Variants in SPRED2 observed in about 807,000 individuals in gnomAD.
The protein encoded by SPRED2 is sprouty-related, EVH1 domain-containing protein 2.
SPRED2 carries 47 observed loss-of-function variants against 43.0 expected under a neutral mutation model. The ratio of observed to expected loss-of-function variants is 1.09; its 90% CI spans 0.87 to 1.40. The LOEUF (loss-of-function observed/expected upper bound fraction) is 1.40. Among genes scored for constraint, SPRED2 ranks in the 40% most tolerant of loss-of-function variants. The probability of loss-of-function intolerance (pLI) is 0.00; values close to 1 mark genes in which losing one functional copy is unlikely to be tolerated. For synonymous variants in SPRED2, 225 were observed against 225.7 expected (o/e 1.00, Z 0.03); for missense variants, 561 against 586.4 (o/e 0.96, Z 0.45).
intron 1 of SPRED2, among the ~76,000 whole-genome samples, chr2:65,391,195 TAC>T (rs70943648): frequency 0.25 from 35,770 of 145,458 alleles, 5,061 homozygotes; most frequent in East Asian, 0.65. Flanking sequence ...CCTTAATGTG[TAC>T]ACACACACAC....
intron 2 of SPRED2, 173 bp downstream of exon 2, chr2:65,344,546 A>G: frequency 1.3e-6 from 1 of 794,102 alleles, no homozygotes; most frequent in Non-Finnish European, 2.2e-6. Context: ...TGGAAAGGAC[A>G]GTCACGTTTT....
At chr2:65,402,283 A>C (rs1675922233) in intron 1 of SPRED2, among the ~76,000 whole-genome samples, 1 of 124,538 alleles carries the variant, frequency 8.0e-6, no homozygotes, top group Non-Finnish European at 2.0e-5. Flanking sequence ...TGTCTCAAAA[A>C]AAAAAAAAAA....
At chr2:65,418,487 T>C (rs1676340242) in intron 1 of SPRED2, among the ~76,000 whole-genome samples, 1 of 152,210 alleles carries the variant, frequency 6.6e-6, no homozygotes, top group East Asian at 1.9e-4. Context: ...ACTCACCTTG[T>C]CGGAAGTGAA....
chr2:65,339,259 C>G (rs986312450), intron 2 of SPRED2, among the ~76,000 whole-genome samples: 1 of 145,084 alleles, frequency 6.9e-6, no homozygotes, highest in Non-Finnish European at 1.5e-5. Flanking sequence ...GCCATGATGA[C>G]GATGGCGGTT....
intron 1 of SPRED2, among the ~76,000 whole-genome samples, chr2:65,346,779 A>G (rs1674362544): frequency 6.6e-6 from 1 of 152,004 alleles, no homozygotes; most frequent in Non-Finnish European, 1.5e-5. Flanking sequence ...TGAAGCTCAC[A>G]CCCTGACCCC....
chr2:65,390,539 C>T (rs1035246976), intron 1 of SPRED2, among the ~76,000 whole-genome samples: 7 of 152,122 alleles, frequency 4.6e-5, no homozygotes, highest in African/African-American at 7.2e-5. Flanking sequence ...ACTCTGGATC[C>T]GAACTGCCTG....
intron 1 of SPRED2, among the ~76,000 whole-genome samples, chr2:65,359,842 A>G (rs1674753066): frequency 6.6e-6 from 1 of 152,086 alleles, no homozygotes; most frequent in African/African-American, 2.4e-5. Flanking sequence ...AGGAGGGTGG[A>G]TTACCTGAGG....
At chr2:65,307,855 A>C (rs1672971869), downstream of SPRED2, among the ~76,000 whole-genome samples, 1 of 151,816 alleles carries the variant, frequency 6.6e-6, no homozygotes, top group Admixed American at 6.5e-5. Context: ...GGTTTTTCTA[A>C]CCATCTCACC....
At chr2:65,376,815 C>T (rs915359821) in intron 1 of SPRED2, among the ~76,000 whole-genome samples, 9 of 152,030 alleles carry the variant, frequency 5.9e-5, no homozygotes, top group Non-Finnish European at 1.2e-4. Context: ...CCCGGGTTTA[C>T]GCCATTCTCC....
chr2:65,334,079 C>T (rs1229171577), intron 3 of SPRED2: 3 of 385,700 alleles, frequency 7.8e-6, no homozygotes, highest in African/African-American at 2.1e-5. Flanking sequence ...CTCCAGGCCA[C>T]GATCAGATGT....
At chr2:65,329,071 A>C (rs1260102684) in intron 4 of SPRED2, among the ~76,000 whole-genome samples, 1 of 152,220 alleles carries the variant, frequency 6.6e-6, no homozygotes, top group Non-Finnish European at 1.5e-5. Context: ...TATGTGCTCT[A>C]TCCATGCCTT....
intron 1 of SPRED2, among the ~76,000 whole-genome samples, chr2:65,405,625 G>A (rs1211099123): frequency 6.6e-6 from 1 of 152,170 alleles, no homozygotes; most frequent in East Asian, 1.9e-4. Flanking sequence ...AGATTAATCA[G>A]CACCATGGGG....
intron 1 of SPRED2, among the ~76,000 whole-genome samples, chr2:65,390,765 A>C (rs1368297649): frequency 2.6e-5 from 4 of 152,140 alleles, no homozygotes; most frequent in African/African-American, 7.2e-5. Flanking sequence ...TTTCTAGAAC[A>C]AGTCACGTTA....
intron 1 of SPRED2, among the ~76,000 whole-genome samples, chr2:65,350,506 A>G (rs369401808): frequency 1.3e-5 from 2 of 152,116 alleles, no homozygotes; most frequent in Non-Finnish European, 2.9e-5. Context: ...CCTCAATACC[A>G]TATTCTTTAG....
intron 1 of SPRED2, among the ~76,000 whole-genome samples, chr2:65,427,863 G>A (rs1676591442): frequency 1.3e-5 from 2 of 152,186 alleles, no homozygotes; most frequent in South Asian, 4.1e-4. Context: ...TCCTGAACCA[G>A]GCTACTGGAG....
intron 1 of SPRED2, among the ~76,000 whole-genome samples, chr2:65,415,149 T>C (rs1323626214): frequency 6.6e-6 from 1 of 152,228 alleles, no homozygotes; most frequent in African/African-American, 2.4e-5. Flanking sequence ...TTTAACCATT[T>C]TTATACAATT....
chr2:65,315,391 CA>C (rs1426388268), intron 5 of SPRED2, among the ~76,000 whole-genome samples: 4 of 152,204 alleles, frequency 2.6e-5, no homozygotes, highest in East Asian at 1.9e-4. Context: ...CTCGCCATCA[CA>C]GTCATTATCA....
At chr2:65,380,560 T>C (rs779538467) in intron 1 of SPRED2, 1 of 152,264 alleles carries the variant, frequency 6.6e-6, no homozygotes, top group African/African-American at 2.4e-5. Flanking sequence ...AAGCTTGTTC[T>C]GGACTTATTT....
At chr2:65,319,384 C>T (rs1259513253) in intron 4 of SPRED2, among the ~76,000 whole-genome samples, 1 of 152,206 alleles carries the variant, frequency 6.6e-6, no homozygotes, top group East Asian at 1.9e-4. Flanking sequence ...GTCCTATAAG[C>T]CTTGAATCCT....
Sources: allele counts gnomAD v4.1 joint callset (sites outside exome capture counted in the v4.1 genomes callset), GRCh38; gene constraint gnomAD v4.1.1; transcripts MANE v1.5; gene names NCBI Gene and HGNC (gene_info 2026-07-23, HGNC 2026-07-21).